Variants in MAGI1 observed in about 807,000 individuals in gnomAD.
MAGI1 encodes membrane associated guanylate kinase, WW and PDZ domain containing 1.
MAGI1 carries 58 observed loss-of-function variants against 139.9 expected under a neutral mutation model. The observed-to-expected ratio is 0.41, with a 90% confidence interval of 0.34 to 0.52. The LOEUF (loss-of-function observed/expected upper bound fraction) is 0.52. Among genes scored for constraint, MAGI1 ranks in the 20% least tolerant of loss-of-function variants. The pLI is 0.12. For synonymous variants in MAGI1, 812 were observed against 737.9 expected (o/e 1.10, Z -1.63); for missense variants, 1,874 against 1,901.6 (o/e 0.99, Z 0.27).
At chr3:65,830,087 C>T (rs1008135382) in intron 1 of MAGI1, among the ~76,000 whole-genome samples, 7 of 152,152 alleles carry the variant, frequency 4.6e-5, no homozygotes, top group Non-Finnish European at 7.3e-5. Flanking sequence ...AGGCAAAGAT[C>T]TTTCTGAGTT....
chr3:65,459,125 T>G (rs1268095214), intron 5 of MAGI1, among the ~76,000 whole-genome samples: 8 of 152,176 alleles, frequency 5.3e-5, no homozygotes, highest in Admixed American at 5.2e-4. Context: ...TGTATGGATT[T>G]GTTTCTGGTT....
intron 4 of MAGI1, among the ~76,000 whole-genome samples, chr3:65,471,472 CAT>C (rs906835064): frequency 4.6e-5 from 7 of 152,192 alleles, no homozygotes; most frequent in African/African-American, 1.4e-4. Context: ...CAATGACACA[CAT>C]GAGAGTAAAG....
At chr3:65,508,513 G>C (rs2077402134) in intron 2 of MAGI1, among the ~76,000 whole-genome samples, 1 of 152,082 alleles carries the variant, frequency 6.6e-6, no homozygotes, top group Non-Finnish European at 1.5e-5. Context: ...GAATCTAATA[G>C]AAATTGGGCC....
intron 1 of MAGI1, among the ~76,000 whole-genome samples, chr3:65,947,714 T>C (rs1002410808): frequency 6.6e-6 from 1 of 152,042 alleles, no homozygotes; most frequent in African/African-American, 2.4e-5. Context: ...TCTCCTAGGC[T>C]CAAGCGAGCC....
chr3:65,992,823 A>G (rs907765142), intron 1 of MAGI1, among the ~76,000 whole-genome samples: 1 of 151,916 alleles, frequency 6.6e-6, no homozygotes, highest in Admixed American at 6.6e-5. Flanking sequence ...TTTCGGCTTT[A>G]TTTTTATTGT....
chr3:65,637,446 TG>T (rs1311444822), intron 1 of MAGI1, among the ~76,000 whole-genome samples: 2 of 151,770 alleles, frequency 1.3e-5, no homozygotes, highest in East Asian at 3.9e-4. Flanking sequence ...CCCAGCTACT[TG>T]GGAGGCTGAG....
At chr3:65,517,012 G>A (rs1161478806) in intron 2 of MAGI1, among the ~76,000 whole-genome samples, 2 of 151,848 alleles carry the variant, frequency 1.3e-5, no homozygotes, top group Non-Finnish European at 2.9e-5. Flanking sequence ...ACAGGCGTGA[G>A]CCACCGCGCC....
intron 1 of MAGI1, among the ~76,000 whole-genome samples, chr3:65,788,718 A>T (rs541227585): frequency 6.6e-6 from 1 of 152,318 alleles, no homozygotes; most frequent in East Asian, 1.9e-4. Flanking sequence ...TAAATAAATC[A>T]GTGTTCAGAG....
chr3:65,994,706 G>A (rs1033526864), intron 1 of MAGI1, among the ~76,000 whole-genome samples: 12 of 152,172 alleles, frequency 7.9e-5, no homozygotes, highest in Admixed American at 2.6e-4. Context: ...AGACAGCTGG[G>A]TGCTGGCTCA....
chr3:65,725,397 A>G (rs1476512169), intron 1 of MAGI1, among the ~76,000 whole-genome samples: 1 of 152,236 alleles, frequency 6.6e-6, no homozygotes, highest in Non-Finnish European at 1.5e-5. Context: ...ACAAAGATGA[A>G]TAAAACATCC....
chr3:65,439,826 AT>A, intron 9 of MAGI1, 52 bp downstream of exon 9: 2 of 1,603,056 alleles, frequency 1.2e-6, no homozygotes, highest in Non-Finnish European at 1.7e-6. Flanking sequence ...CAGCGCTCAG[AT>A]TTCACCCCAT....
chr3:65,370,426 G>A (rs751332642), intron 18 of MAGI1, among the ~76,000 whole-genome samples: 3 of 152,176 alleles, frequency 2.0e-5, no homozygotes, highest in Non-Finnish European at 4.4e-5. Flanking sequence ...AGCAGAACAT[G>A]TATTGCCTTA....
intron 1 of MAGI1, among the ~76,000 whole-genome samples, chr3:65,665,133 C>T (rs1239033606): frequency 6.6e-6 from 1 of 152,216 alleles, no homozygotes; most frequent in Non-Finnish European, 1.5e-5. Flanking sequence ...TCACCCTTGA[C>T]TCCCTGTCAC....
At chr3:65,529,420 A>G (rs760123416) in intron 2 of MAGI1, among the ~76,000 whole-genome samples, 2 of 152,134 alleles carry the variant, frequency 1.3e-5, no homozygotes, top group Admixed American at 6.5e-5. Context: ...CTTATTCTGG[A>G]TATTTCATAC....
chr3:65,975,206 G>A (rs1358712656), intron 1 of MAGI1, among the ~76,000 whole-genome samples: 1 of 151,840 alleles, frequency 6.6e-6, no homozygotes, highest in Non-Finnish European at 1.5e-5. Context: ...GCAATAGTTC[G>A]TTTTCATTCT....
rs529970419 is a variant in MAGI1, at chr3:65,896,155, A to G, written c.313+141841T>C. Among the ~76,000 whole-genome samples, 102 of 152,320 alleles carry G rather than the reference A, an allele frequency of 6.7e-4. 1 individual carries two copies. In the South Asian group the frequency reaches 0.021, roughly 31 times the overall value. On this transcript the variant is annotated intron_variant, in intron 1 of 22. Coordinates refer to ENST00000402939, the MANE Select transcript of MAGI1 (RefSeq NM_001033057.2). ...TTTCTCCCTATAGGCAATAGACAAA[A>G]GGCCAATGTTCCCACTCACTTTAAA... is the stretch of plus-strand genomic sequence containing the variant.
rs2038660795 is a variant in MAGI1, at chr3:65,778,455, A to G, written c.314-156367T>C. ...CAAAAAAAAAAAAAATAAATAAATA[A>G]GTCTTTTGAGAAATGCAGGAAGGGT... is the stretch of plus-strand genomic sequence containing the variant. On this transcript the variant is annotated intron_variant, in intron 1 of 22. Transcript: ENST00000402939. 1.5e-5 allele frequency among the ~76,000 whole-genome samples: 2 copies of G among 137,734 alleles called. 1 individual carries two copies. The highest frequency in any genetic ancestry group is 3.3e-5 in the Non-Finnish European group (2 of 59,818). The allele number at this position is 137,734 out of a possible 152,430, so 90.4% of individuals were successfully genotyped here.
chr3:65,732,026 T>G (rs556710332), intron 1 of MAGI1, among the ~76,000 whole-genome samples: 1 of 152,234 alleles, frequency 6.6e-6, no homozygotes, highest in East Asian at 1.9e-4. Context: ...TTATGAATAT[T>G]TTTCCCCTTT....
chr3:65,424,837 T>C (rs559208039), intron 12 of MAGI1, among the ~76,000 whole-genome samples: 79 of 152,128 alleles, frequency 5.2e-4, no homozygotes, highest in Non-Finnish European at 8.4e-4. Context: ...CCTAACATTT[T>C]TTGCAACTCT....
Sources: allele counts gnomAD v4.1 joint callset (sites outside exome capture counted in the v4.1 genomes callset), GRCh38; gene constraint gnomAD v4.1.1; transcripts MANE v1.5; gene names NCBI Gene and HGNC (gene_info 2026-07-23, HGNC 2026-07-21).